Variants in CLVS2 observed in about 807,000 individuals in gnomAD.
CLVS2 encodes the protein clavesin-2.
CLVS2 carries 19 observed loss-of-function variants against 29.0 expected under a neutral mutation model. The ratio of observed to expected loss-of-function variants is 0.66; its 90% confidence interval spans 0.46 to 0.96. The LOEUF is 0.96. Among genes scored for constraint, CLVS2 ranks in the 40% least tolerant of loss-of-function variants. The pLI is 0.00. For synonymous variants in CLVS2, 161 were observed against 151.3 expected (o/e 1.06, Z -0.47); for missense variants, 294 against 404.1 (o/e 0.73, Z 2.34).
At chr6:123,047,566 A>G (rs1772535954) in intron 3 of CLVS2, among the ~76,000 whole-genome samples, 1 of 152,184 alleles carries the variant, frequency 6.6e-6, no homozygotes, top group Non-Finnish European at 1.5e-5. Flanking sequence ...AAATATTTTT[A>G]TAGGGTTATG....
At chr6:123,004,107 C>T (rs918912099) in intron 2 of CLVS2, among the ~76,000 whole-genome samples, 2 of 152,040 alleles carry the variant, frequency 1.3e-5, no homozygotes, top group East Asian at 1.9e-4. Context: ...AGGAACAGAA[C>T]GTTAAGATGG....
rs1774501169 is a variant in CLVS2 at position 122,996,270 on chromosome 6, G to A, written c.-1036G>A. The A allele has an allele frequency of 1.3e-5, 2 of 156,610 alleles. No individual in the cohort carries two copies. Among genetic ancestry groups the A allele is most frequent in the Non-Finnish European group, 2.8e-5 (2 of 71,524 alleles). The allele number at this position is 156,610 out of a possible 1,614,324, so 9.7% of individuals were successfully genotyped here. A position where few individuals can be genotyped will look rare whatever the true frequency, so the allele number is the denominator to read the frequency against. On this transcript the variant is annotated 5_prime_UTR_variant, in exon 1 of 6. Transcript: ENST00000275162. ...AGCAGCAGCAGCCGGAGCCGCCGCC[G>A]CAGCCCGGTGGGGCAACCCTGACTC...
At chr6:123,047,127 C>T (rs1460456559) in intron 3 of CLVS2, among the ~76,000 whole-genome samples, 1 of 151,926 alleles carries the variant, frequency 6.6e-6, no homozygotes, top group African/African-American at 2.4e-5. Flanking sequence ...ACCTGCTGGC[C>T]AGGAAACCTG....
chr6:123,022,390 T>C (rs533214886), intron 3 of CLVS2, among the ~76,000 whole-genome samples: 23 of 152,158 alleles, frequency 1.5e-4, no homozygotes, highest in African/African-American at 5.1e-4. Context: ...CAGTCTGCCA[T>C]GTTGACTTGG....
At chr6:123,019,164 C>T (rs1351704422) in intron 3 of CLVS2, among the ~76,000 whole-genome samples, 1 of 152,038 alleles carries the variant, frequency 6.6e-6, no homozygotes. Context: ...CTTTTGCATT[C>T]CACTGGCTAG....
chr6:123,006,434 T>C (rs1774670187), intron 2 of CLVS2, among the ~76,000 whole-genome samples: 1 of 152,010 alleles, frequency 6.6e-6, no homozygotes, highest in Non-Finnish European at 1.5e-5. Flanking sequence ...TATCTCACAA[T>C]AGAGGGTAGG....
At chr6:123,039,280 T>C (rs907379517) in intron 3 of CLVS2, among the ~76,000 whole-genome samples, 1 of 152,212 alleles carries the variant, frequency 6.6e-6, no homozygotes, top group African/African-American at 2.4e-5. Context: ...CCATTATTGA[T>C]ATACTAGCTG....
chr6:123,018,912 C>G (rs1002140408), intron 3 of CLVS2, among the ~76,000 whole-genome samples: 3 of 152,032 alleles, frequency 2.0e-5, no homozygotes, highest in African/African-American at 7.2e-5. Flanking sequence ...GCTGCTGTAA[C>G]AAACAAACCA....
chr6:123,054,083 G>A (rs146555822), intron 4 of CLVS2, among the ~76,000 whole-genome samples: 4 of 152,216 alleles, frequency 2.6e-5, no homozygotes, highest in East Asian at 1.9e-4. Context: ...AGGAAGTAGC[G>A]TGCTAGGATT....
intron 5 of CLVS2, among the ~76,000 whole-genome samples, chr6:123,062,321 G>T (rs1447888566): frequency 6.6e-6 from 1 of 152,048 alleles, no homozygotes; most frequent in Non-Finnish European, 1.5e-5. Context: ...AGATGATTAT[G>T]TATTATTGCA....
chr6:123,014,379 AC>A (rs1192350346), intron 3 of CLVS2, among the ~76,000 whole-genome samples: 5 of 152,030 alleles, frequency 3.3e-5, no homozygotes, highest in Non-Finnish European at 7.4e-5. Context: ...CCTGGCTAGC[AC>A]CATATACCTT....
In CLVS2 at chr6:123,066,573, T is replaced by G. The variant is rs1772859152; in HGVS notation, c.*2812T>G. ...ATCTTCTATTTCTGATATTTTTTCT[T>G]TCTTCCAGTTATTTCAGGGGCAGGT... On this transcript the variant is annotated 3_prime_UTR_variant, in exon 6 of 6. Coordinates refer to ENST00000275162, the MANE Select transcript of CLVS2 (RefSeq NM_001010852.4). 1 of 151,880 alleles carries G rather than the reference T, an allele frequency of 6.6e-6. No homozygotes were observed. Among genetic ancestry groups the G allele is most frequent in the Non-Finnish European group, 1.5e-5 (1 of 67,806 alleles). The allele number at this position is 151,880 out of a possible 1,614,324, so 9.4% of individuals were successfully genotyped here.
chr6:123,051,425 C>T (rs1204369498), intron 4 of CLVS2, among the ~76,000 whole-genome samples: 2 of 152,128 alleles, frequency 1.3e-5, no homozygotes, highest in Admixed American at 1.3e-4. Flanking sequence ...ATTGTTCAAA[C>T]CAATATTAGT....
At chr6:123,008,018 G>T in intron 2 of CLVS2, among the ~76,000 whole-genome samples, 1 of 152,094 alleles carries the variant, frequency 6.6e-6, no homozygotes, top group Non-Finnish European at 1.5e-5. Flanking sequence ...CATTTCTTTG[G>T]AAGATATTTT....
At chr6:123,009,423 A>C (rs1038357763) in intron 2 of CLVS2, among the ~76,000 whole-genome samples, 1 of 152,128 alleles carries the variant, frequency 6.6e-6, no homozygotes, top group Non-Finnish European at 1.5e-5. Context: ...GAGGTCCTGA[A>C]ATGGTAAGAA....
At chr6:123,009,225 A>G (rs1224607417) in intron 2 of CLVS2, among the ~76,000 whole-genome samples, 1 of 152,064 alleles carries the variant, frequency 6.6e-6, no homozygotes, top group African/African-American at 2.4e-5. Context: ...TGAGAATAGC[A>G]TGAGATAGGG....
rs1237449070 is a variant in CLVS2, at chr6:123,066,074, A to G, written c.*2313A>G. On this transcript the variant is annotated 3_prime_UTR_variant, in exon 6 of 6. Transcript: ENST00000275162. ...ATTTTAAAATGAATGAACAAATTAC[A>G]ATGATGATGCCTTTTGAAATTACCA... 1.3e-5 allele frequency: 2 copies of G among 151,744 alleles called. No individual in the cohort carries two copies. Among genetic ancestry groups the G allele is most frequent in the Non-Finnish European group, 3.0e-5 (2 of 67,752 alleles). The allele number at this position is 151,744 out of a possible 1,614,324, so 9.4% of individuals were successfully genotyped here.
chr6:123,047,520 A>G (rs1012785527), intron 3 of CLVS2, among the ~76,000 whole-genome samples: 1 of 152,242 alleles, frequency 6.6e-6, no homozygotes, highest in African/African-American at 2.4e-5. Flanking sequence ...TACTAGATTA[A>G]TTCACTACTG....
rs1356964080 is a variant in CLVS2, at chr6:123,070,860, C to T, written c.*7099C>T. The T allele has an allele frequency of 6.6e-6, 1 of 151,960 alleles. No homozygotes were observed. 9.4% of individuals were successfully genotyped at this position (151,960 alleles called of 1,614,324 possible). On this transcript the variant is annotated 3_prime_UTR_variant, in exon 6 of 6. Coordinates refer to ENST00000275162, the MANE Select transcript of CLVS2 (RefSeq NM_001010852.4). The stretch of plus-strand genomic sequence containing the variant: ...TGCTAAGCATGCCTCTACCTCAGGA[C>T]TTTCGCATTTCTGTTCCCTTTGCCT...
Sources: gnomAD v4.1 joint callset for allele counts (sites outside exome capture counted in the v4.1 genomes callset) on GRCh38, gnomAD v4.1.1 for gene constraint, MANE v1.5 for transcripts, NCBI Gene and HGNC (gene_info 2026-07-23, HGNC 2026-07-21) for gene names.